PPIL6: variants seen among roughly 807,000 people sequenced by gnomAD.
PPIL6 encodes probable inactive peptidyl-prolyl cis-trans isomerase-like 6.
Under a neutral mutation model 36.8 loss-of-function variants are expected in PPIL6, and 39 were observed. The ratio of observed to expected loss-of-function variants is 1.06; its 90% CI spans 0.82 to 1.38. The LOEUF (loss-of-function observed/expected upper bound fraction) is 1.38. PPIL6 is among the 40% of genes most tolerant of loss of function. The probability of loss-of-function intolerance (pLI) is 0.00; values close to 1 mark genes in which losing one functional copy is unlikely to be tolerated. For synonymous variants in PPIL6, 123 were observed against 134.1 expected, an observed-to-expected ratio of 0.92 and a Z score of 0.57; for missense variants, 368 against 379.1, an observed-to-expected ratio of 0.97 and a Z score of 0.24.
At chr6:109,396,394 G>C (rs2115193239) in intron 7 of PPIL6, among the ~76,000 whole-genome samples, 1 of 152,194 alleles carries the variant, frequency 6.6e-6, no homozygotes, top group East Asian at 1.9e-4. Context: ...CAGTCCATTG[G>C]GAGTTGGACC....
At chr6:109,432,846 C>G (rs1774228092) in intron 2 of PPIL6, among the ~76,000 whole-genome samples, 1 of 152,110 alleles carries the variant, frequency 6.6e-6, no homozygotes, top group African/African-American at 2.4e-5. Context: ...GTTTGAGGAA[C>G]AGTTTACATT....
chr6:109,440,290 C>A (rs1229384965), intron 1 of PPIL6, 166 bp downstream of exon 1: 1 of 867,890 alleles, frequency 1.2e-6, no homozygotes, highest in East Asian at 2.8e-5. Flanking sequence ...ATACTCTCCT[C>A]CCGGTCCTCC....
chr6:109,403,470 A>G (rs1772647908), intron 6 of PPIL6, among the ~76,000 whole-genome samples: 1 of 152,192 alleles, frequency 6.6e-6, no homozygotes, highest in African/African-American at 2.4e-5. Flanking sequence ...ACAGAGTGAA[A>G]GCCCCCATAG....
At chr6:109,421,749 T>C (rs761643611) in intron 5 of PPIL6, among the ~76,000 whole-genome samples, 1 of 152,134 alleles carries the variant, frequency 6.6e-6, no homozygotes, top group Non-Finnish European at 1.5e-5. Flanking sequence ...TCTGAATGTA[T>C]GGAAAGTGGC....
intron 2 of PPIL6, among the ~76,000 whole-genome samples, chr6:109,434,895 C>T (rs1339904202): frequency 6.6e-6 from 1 of 152,198 alleles, no homozygotes; most frequent in African/African-American, 2.4e-5. Flanking sequence ...ACCAACTGAA[C>T]AGGTTGTCAC....
chr6:109,431,511 G>A (rs1345979131), intron 2 of PPIL6, among the ~76,000 whole-genome samples, 166 bp from the exon 3 acceptor site: 5 of 151,972 alleles, frequency 3.3e-5, no homozygotes, highest in African/African-American at 4.8e-5. Flanking sequence ...TTTGCTCTCA[G>A]AAAGAACTTA....
intron 7 of PPIL6, among the ~76,000 whole-genome samples, chr6:109,398,758 A>G (rs1327638484): frequency 6.6e-6 from 1 of 152,234 alleles, no homozygotes; most frequent in East Asian, 1.9e-4. Flanking sequence ...ATGGACAATT[A>G]TTGAAATGAC....
At chr6:109,430,432 C>CT (rs35614425) in intron 3 of PPIL6, among the ~76,000 whole-genome samples, 2,414 of 145,750 alleles carry the variant, frequency 0.017, 57 homozygotes, top group African/African-American at 0.054. Flanking sequence ...TGTGTTCATG[C>CT]TTTTTTTTTT....
chr6:109,427,164 G>T lies in PPIL6; in HGVS notation c.421-8C>A. 5.6e-6 allele frequency: 9 copies of T among 1,605,234 alleles called. No individual in the cohort carries two copies. The highest frequency in any genetic ancestry group is 7.7e-6 in the Non-Finnish European group (9 of 1,173,128). ...CAAAAACACGAAATCATGCTGTGAA[G>T]ATTAAGGAGAATCATATAATGCAGG... On this transcript the variant is annotated splice_region_variant and splice_polypyrimidine_tract_variant and intron_variant, in intron 3 of 7. Coordinates refer to ENST00000521072, the MANE Select transcript of PPIL6 (RefSeq NM_173672.5).
At chr6:109,406,149 C>T (rs951318854) in intron 6 of PPIL6, among the ~76,000 whole-genome samples, 1 of 151,740 alleles carries the variant, frequency 6.6e-6, no homozygotes, top group South Asian at 2.1e-4. Flanking sequence ...ACCTCCCCAG[C>T]TCGAGATCCT....
intron 6 of PPIL6, among the ~76,000 whole-genome samples, chr6:109,411,250 C>T (rs372862910): frequency 3.4e-4 from 52 of 152,214 alleles, no homozygotes; most frequent in East Asian, 3.1e-3. Context: ...AGCAGCACCC[C>T]GGGGCAGCTT....
intron 7 of PPIL6, among the ~76,000 whole-genome samples, chr6:109,397,613 G>A (rs1054595101): frequency 6.6e-6 from 1 of 152,162 alleles, no homozygotes; most frequent in Admixed American, 6.5e-5. Flanking sequence ...AATGAGTTGG[G>A]AAAACAGCAG....
chr6:109,400,569 C>T (rs1772486291), intron 6 of PPIL6, among the ~76,000 whole-genome samples: 1 of 152,188 alleles, frequency 6.6e-6, no homozygotes, highest in Non-Finnish European at 1.5e-5. Flanking sequence ...CTTTTGTGGA[C>T]CTGACCTTTC....
chr6:109,417,018 A>T (rs994194696), intron 6 of PPIL6, among the ~76,000 whole-genome samples: 5 of 151,224 alleles, frequency 3.3e-5, no homozygotes, highest in South Asian at 4.2e-4. Context: ...TCTTTTTTTT[A>T]AAATTAGCCA....
At chr6:109,416,272 G>A (rs1316852340) in intron 6 of PPIL6, among the ~76,000 whole-genome samples, 2 of 145,732 alleles carry the variant, frequency 1.4e-5, no homozygotes, top group African/African-American at 2.6e-5. Flanking sequence ...GCGTGATCTC[G>A]GCTCACTGCA....
At chr6:109,420,332 C>CAAAAAAAAAAA (rs564751735) in intron 5 of PPIL6, among the ~76,000 whole-genome samples, 2 of 50,952 alleles carry the variant, frequency 3.9e-5, no homozygotes, top group Non-Finnish European at 3.9e-5. Flanking sequence ...GACTCCATCT[C>CAAAAAAAAAAA]AAAAAAAAAA....
intron 6 of PPIL6, among the ~76,000 whole-genome samples, chr6:109,402,420 C>CA (rs1467533846): frequency 6.6e-6 from 1 of 152,138 alleles, no homozygotes; most frequent in African/African-American, 2.4e-5. Context: ...CCTGTAATCC[C>CA]AGCCACTTAG....
At chr6:109,424,166 T>C (rs1485279452) in intron 5 of PPIL6, among the ~76,000 whole-genome samples, 1 of 151,912 alleles carries the variant, frequency 6.6e-6, no homozygotes, top group African/African-American at 2.4e-5. Flanking sequence ...GGTGGTCCGG[T>C]AAGGCCTTGC....
At chr6:109,425,664 T>A (rs997076680) in intron 5 of PPIL6, among the ~76,000 whole-genome samples, 2 of 150,470 alleles carry the variant, frequency 1.3e-5, no homozygotes, top group African/African-American at 4.9e-5. Context: ...CAGGGAGAAT[T>A]ACTTGAACCT....
Sources: allele counts gnomAD v4.1 joint callset (sites outside exome capture counted in the v4.1 genomes callset), GRCh38; gene constraint gnomAD v4.1.1; transcripts MANE v1.5; gene names NCBI Gene and HGNC (gene_info 2026-07-23, HGNC 2026-07-21).